The following FAM161A variants were observed in gnomAD, a reference collection of about 807,000 sequenced individuals.
FAM161A encodes FAM161 centrosomal protein A, also known as protein FAM161A.
FAM161A carries 57 observed loss-of-function variants against 70.9 expected under a neutral mutation model. The ratio of observed to expected loss-of-function variants is 0.80; its 90% CI spans 0.65 to 1.00. The LOEUF (loss-of-function observed/expected upper bound fraction) is 1.00, where lower values mean the gene tolerates loss of function less well. Ranked by LOEUF, FAM161A falls within the 50% of genes least tolerant of loss-of-function variation. The probability of loss-of-function intolerance (pLI) is 0.00; values close to 1 mark genes in which losing one functional copy is unlikely to be tolerated. For missense variants in FAM161A, 880 were observed against 836.0 expected (o/e 1.05, Z -0.65); for synonymous variants, 299 against 295.7 (o/e 1.01, Z -0.12).
In FAM161A at chr2:61,826,425, G is replaced by A; in HGVS notation, c.*30C>T. ...TGACACCCTGACGCTGCAAACAACA[G>A]CAAGGGCATAGAGAGGAGACCTTGA... On this transcript the variant is annotated 3_prime_UTR_variant, in exon 7 of 7. Coordinates refer to ENST00000404929, the MANE Select transcript of FAM161A (RefSeq NM_001201543.2). The A allele has an allele frequency of 1.9e-6, 3 of 1,610,220 alleles. No homozygotes were observed. Among genetic ancestry groups the A allele is most frequent in the Non-Finnish European group, 2.5e-6 (3 of 1,177,678 alleles).
chr2:61,820,380 C>T, downstream of FAM161A: 3 of 757,140 alleles, frequency 4.0e-6, no homozygotes, highest in African/African-American at 1.7e-5. Context: ...GGTTTGTCAC[C>T]TATGCCACTG....
intron 1 of FAM161A, among the ~76,000 whole-genome samples, chr2:61,850,382 G>C (rs545987933): frequency 4.5e-4 from 68 of 152,148 alleles, no homozygotes; most frequent in African/African-American, 1.6e-3. Context: ...GGCAACAAGA[G>C]TAAAACTCCA....
Position 61,826,076 on chromosome 2 carries a change from A to T in FAM161A, c.*379T>A, listed in dbSNP as rs567157526. On this transcript the variant is annotated 3_prime_UTR_variant, in exon 7 of 7. Coordinates refer to ENST00000404929, the MANE Select transcript of FAM161A (RefSeq NM_001201543.2). ...TTGATTCACACTTTCCAAAATTTTT[A>T]AAAAGTAAACCACCAAAGACCAATA... The T allele has an allele frequency of 8.6e-6, 4 of 462,506 alleles. No homozygotes were observed. The highest frequency in any genetic ancestry group is 7.9e-5 in the African/African-American group (4 of 50,504). The allele number at this position is 462,506 out of a possible 1,614,324, so 28.7% of individuals were successfully genotyped here.
chr2:61,811,672 C>T, the FAM161A span, among the ~76,000 whole-genome samples: 3 of 151,974 alleles, frequency 2.0e-5, no homozygotes, highest in South Asian at 6.2e-4. Context: ...TGCGCCTGGC[C>T]TAAATTTATT....
intron 2 of FAM161A, among the ~76,000 whole-genome samples, 194 bp from the exon 3 acceptor site, chr2:61,840,775 C>T (rs1035838456): frequency 6.6e-6 from 1 of 152,104 alleles, no homozygotes; most frequent in Non-Finnish European, 1.5e-5. Context: ...CTCAGCCTCC[C>T]GAGTAGCTGG....
At chr2:61,816,673 G>A in the FAM161A span, among the ~76,000 whole-genome samples, 1 of 152,110 alleles carries the variant, frequency 6.6e-6, no homozygotes, top group Non-Finnish European at 1.5e-5. Context: ...GTCTTGCTAT[G>A]TTGCCCAGGC....
At chr2:61,848,376 G>C (rs1356437130) in intron 1 of FAM161A, among the ~76,000 whole-genome samples, 2 of 152,124 alleles carry the variant, frequency 1.3e-5, no homozygotes, top group African/African-American at 2.4e-5. Context: ...TGAATGGCTA[G>C]TAAATGACCT....
chr2:61,824,026 T>C (rs969781952), downstream of FAM161A, among the ~76,000 whole-genome samples: 1 of 151,692 alleles, frequency 6.6e-6, no homozygotes, highest in Non-Finnish European at 1.5e-5. Context: ...TTGATGTCTT[T>C]TTTTTCTTTT....
the FAM161A span, among the ~76,000 whole-genome samples, chr2:61,818,846 C>G: frequency 6.6e-6 from 1 of 152,152 alleles, no homozygotes; most frequent in African/African-American, 2.4e-5. Context: ...TGTCAAGTAT[C>G]CCCCTGACAC....
At chr2:61,801,507 A>AC in the FAM161A span, among the ~76,000 whole-genome samples, 1 of 151,788 alleles carries the variant, frequency 6.6e-6, no homozygotes, top group African/African-American at 2.4e-5. Context: ...AAAAAAAAAA[A>AC]AATAGAATTA....
At chr2:61,826,908 C>T (rs552843051) in intron 6 of FAM161A, among the ~76,000 whole-genome samples, 196 bp downstream of exon 6, 1 of 152,172 alleles carries the variant, frequency 6.6e-6, no homozygotes, top group Non-Finnish European at 1.5e-5. Flanking sequence ...AAATAAAATA[C>T]TTCATGTGAA....
chr2:61,838,441 T>C lies in FAM161A; in HGVS notation c.1751+97A>G, dbSNP rs1295111316. On this transcript the variant is annotated intron_variant, in intron 4 of 6. Coordinates refer to ENST00000404929, the MANE Select transcript of FAM161A (RefSeq NM_001201543.2). ...TTAAATCCATAAGCTAAAACACTAA[T>C]GCTATTTTCAATCTGCTCATATTTT... 5 of 1,014,010 alleles carry C rather than the reference T, an allele frequency of 4.9e-6. No homozygotes were observed. The African/African-American group carries it at 8.1e-5, about 16-fold the overall frequency. 62.8% of individuals were successfully genotyped at this position (1,014,010 alleles called of 1,614,324 possible).
intron 2 of FAM161A, among the ~76,000 whole-genome samples, chr2:61,841,734 T>A (rs989309480): frequency 6.6e-6 from 1 of 152,212 alleles, no homozygotes; most frequent in African/African-American, 2.4e-5. Context: ...TTTGAAAACA[T>A]AAATCAGATT....
chr2:61,847,007 C>CAT (rs1673242087), intron 1 of FAM161A: 1 of 436,004 alleles, frequency 2.3e-6, no homozygotes, highest in Admixed American at 2.5e-5. Context: ...CTACTAAAAA[C>CAT]AAAACTTAGT....
In FAM161A at chr2:61,836,060, T is replaced by C; in HGVS notation, c.1801A>G (p.Arg601Gly). The C allele has an allele frequency of 6.2e-7, 1 of 1,612,024 alleles. No homozygotes were observed. Among genetic ancestry groups the C allele is most frequent in the Non-Finnish European group, 8.5e-7 (1 of 1,179,404 alleles). ...GGCCTCTTTTTTAATTTTTCTTCTC[T>C]TTCTTCTAGTTCTCGTTGGTATTCT... Reference protein sequence around the residue: ...MREYQRELEEREEKLKKRPLL... With the variant: ...MREYQRELEEGEEKLKKRPLL... The change falls in exon 5 of 7, where the codon AGA (arginine) becomes GGA (glycine). Residue 601 changes from arginine (R) to glycine (G), a missense_variant. Arg to Gly is a moderately radical substitution (Grantham distance 125). Coordinates refer to ENST00000404929, the MANE Select transcript of FAM161A (RefSeq NM_001201543.2).
downstream of FAM161A, among the ~76,000 whole-genome samples, chr2:61,823,547 G>A (rs528055214): frequency 5.3e-5 from 8 of 151,474 alleles, 1 homozygote; most frequent in South Asian, 1.7e-3. Flanking sequence ...TGTATTTTTT[G>A]TAGAGACAGG....
downstream of FAM161A, among the ~76,000 whole-genome samples, chr2:61,824,055 C>G (rs1367862641): frequency 6.7e-6 from 1 of 148,602 alleles, no homozygotes; most frequent in Non-Finnish European, 1.5e-5. Context: ...GAGATGGAGT[C>G]TCACTCTGTC....
At chr2:61,835,676 G>T (rs1457996751) in intron 5 of FAM161A, 4 of 206,728 alleles carry the variant, frequency 1.9e-5, no homozygotes, top group Non-Finnish European at 3.9e-5. Context: ...AAACTTATGT[G>T]CTTCATCAAA....
chr2:61,804,682 T>G, the FAM161A span, among the ~76,000 whole-genome samples: 1 of 137,002 alleles, frequency 7.3e-6, no homozygotes, highest in Non-Finnish European at 1.5e-5. Flanking sequence ...GAGACTCTGC[T>G]GAAAGAGAGA....
Sources: allele counts gnomAD v4.1 joint callset (sites outside exome capture counted in the v4.1 genomes callset), GRCh38; gene constraint gnomAD v4.1.1; transcripts MANE v1.5; gene names NCBI Gene and HGNC (gene_info 2026-07-23, HGNC 2026-07-21).